The following COL19A1 variants were observed in gnomAD, a reference collection of about 807,000 sequenced individuals.
COL19A1 encodes the protein collagen type XIX alpha 1 chain.
In COL19A1, 159 loss-of-function variants were observed where a neutral mutation model predicts 190.2. The observed-to-expected ratio is 0.84, with a 90% CI of 0.73 to 0.95. The LOEUF (loss-of-function observed/expected upper bound fraction) is 0.95, where lower values mean the gene tolerates loss of function less well. Ranked by LOEUF, COL19A1 falls within the 40% of genes least tolerant of loss-of-function variation. The probability of loss-of-function intolerance (pLI) is 0.00; values close to 1 mark genes in which losing one functional copy is unlikely to be tolerated. For missense variants in COL19A1, 1,418 were observed against 1,431.9 expected (o/e 0.99, Z 0.16); for synonymous variants, 509 against 458.9 (o/e 1.11, Z -1.39).
intron 2 of COL19A1, among the ~76,000 whole-genome samples, chr6:69,894,831 G>A (rs948066496): frequency 3.9e-5 from 6 of 152,160 alleles, no homozygotes; most frequent in African/African-American, 1.4e-4. Context: ...CACAGCCCAA[G>A]ACTAGCCCCA....
At position 69,926,031 on chromosome 6, in the gene COL19A1, A is replaced by G. The variant is rs965208635; in HGVS notation, c.267-1878A>G. Among the ~76,000 whole-genome samples, 11 of 152,290 alleles carry G rather than the reference A, an allele frequency of 7.2e-5. No homozygotes were observed. In the South Asian group the frequency reaches 2.1e-3, roughly 29 times the overall value. On this transcript the variant is annotated intron_variant, in intron 4 of 50. Coordinates refer to ENST00000620364, the MANE Select transcript of COL19A1 (RefSeq NM_001858.6). ...TAAATATACAATCATGTCATCTGCA[A>G]ACAGGGACAATTTGACTTCCTCTTT...
chr6:69,988,026 T>C (rs1437329848), intron 11 of COL19A1, among the ~76,000 whole-genome samples: 1 of 152,228 alleles, frequency 6.6e-6, no homozygotes, highest in Non-Finnish European at 1.5e-5. Flanking sequence ...ATACAGGTTC[T>C]GGAAAAGACT....
intron 1 of COL19A1, among the ~76,000 whole-genome samples, chr6:69,868,066 T>C (rs1472540850): frequency 1.3e-5 from 2 of 151,486 alleles, no homozygotes; most frequent in Non-Finnish European, 2.9e-5. Context: ...CATCTGCCTG[T>C]TAATGGAGGA....
chr6:70,096,926 G>A (rs1783313149), intron 15 of COL19A1, among the ~76,000 whole-genome samples: 1 of 152,068 alleles, frequency 6.6e-6, no homozygotes, highest in Non-Finnish European at 1.5e-5. Context: ...TCAGAAGAGG[G>A]GCTAGCTCTA....
intron 16 of COL19A1, among the ~76,000 whole-genome samples, chr6:70,108,180 ATTAACT>A (rs1384416645): frequency 6.6e-6 from 1 of 152,202 alleles, no homozygotes; most frequent in African/African-American, 2.4e-5. Context: ...TCCATTTGAC[ATTAACT>A]TTACTTCTCA....
At chr6:69,949,878 T>C (rs943511328) in intron 9 of COL19A1, among the ~76,000 whole-genome samples, 11 of 151,878 alleles carry the variant, frequency 7.2e-5, no homozygotes, top group African/African-American at 2.4e-4. Flanking sequence ...ACTGTTTCAC[T>C]TGGAGCAAAA....
intron 35 of COL19A1, 50 bp from the exon 36 acceptor site, chr6:70,163,293 T>C: frequency 6.5e-7 from 1 of 1,548,354 alleles, no homozygotes; most frequent in Non-Finnish European, 8.9e-7. Context: ...CAATACCCTT[T>C]GGCCATTTAA....
chr6:69,991,456 T>C (rs1477335522), intron 11 of COL19A1, among the ~76,000 whole-genome samples: 1 of 152,034 alleles, frequency 6.6e-6, no homozygotes, highest in Non-Finnish European at 1.5e-5. Flanking sequence ...CTCTGAGAAA[T>C]CTCCAAACTG....
At chr6:70,055,948 A>C (rs1030486697) in intron 14 of COL19A1, among the ~76,000 whole-genome samples, 1 of 151,688 alleles carries the variant, frequency 6.6e-6, no homozygotes, top group African/African-American at 2.4e-5. Context: ...ATTGCCTTCC[A>C]TATTTTTCAA....
At chr6:69,968,678 G>T (rs1775255732) in intron 11 of COL19A1, among the ~76,000 whole-genome samples, 1 of 152,092 alleles carries the variant, frequency 6.6e-6, no homozygotes, top group South Asian at 2.1e-4. Flanking sequence ...TTTTACTTTT[G>T]TCAATTTCTC....
intron 49 of COL19A1, 169 bp downstream of exon 49, chr6:70,199,905 T>C (rs2150306779): frequency 1.6e-6 from 1 of 639,688 alleles, no homozygotes. Flanking sequence ...CTTTATAATA[T>C]TTGACATTCT....
chr6:70,127,267 T>A (rs2150218942), intron 17 of COL19A1, among the ~76,000 whole-genome samples: 1 of 152,122 alleles, frequency 6.6e-6, no homozygotes, highest in Admixed American at 6.5e-5. Context: ...CATGCAGAGA[T>A]TTGAAGGTGA....
intron 9 of COL19A1, among the ~76,000 whole-genome samples, chr6:69,952,890 A>G (rs147695069): frequency 2.7e-4 from 41 of 152,160 alleles, no homozygotes; most frequent in African/African-American, 9.1e-4. Context: ...GTTGTGAATT[A>G]TAATGAACTT....
intron 4 of COL19A1, among the ~76,000 whole-genome samples, chr6:69,925,754 T>C (rs566609973): frequency 6.6e-6 from 1 of 152,176 alleles, no homozygotes; most frequent in South Asian, 2.1e-4. Flanking sequence ...TATCCTCTTT[T>C]ATTTCATTGA....
intron 1 of COL19A1, among the ~76,000 whole-genome samples, chr6:69,874,768 A>C (rs1768041487): frequency 6.6e-6 from 1 of 152,118 alleles, no homozygotes; most frequent in South Asian, 2.1e-4. Flanking sequence ...ATAAAAAAAA[A>C]AGAAGTGTGC....
intron 40 of COL19A1, among the ~76,000 whole-genome samples, chr6:70,170,129 A>G (rs1765409557): frequency 6.6e-6 from 1 of 152,174 alleles, no homozygotes; most frequent in Non-Finnish European, 1.5e-5. Flanking sequence ...AGTGAAGCAC[A>G]GAAACAGAAA....
intron 11 of COL19A1, among the ~76,000 whole-genome samples, chr6:70,022,368 G>A (rs1778462624): frequency 6.6e-6 from 1 of 152,004 alleles, no homozygotes; most frequent in Non-Finnish European, 1.5e-5. Flanking sequence ...TTTAAAAACA[G>A]GAGTAAAGTG....
At chr6:70,206,031 C>T (rs978265092) in intron 49 of COL19A1, among the ~76,000 whole-genome samples, 1 of 152,188 alleles carries the variant, frequency 6.6e-6, no homozygotes, top group Non-Finnish European at 1.5e-5. Flanking sequence ...ATCATTTGAA[C>T]ACAGACCTGA....
intron 16 of COL19A1, among the ~76,000 whole-genome samples, chr6:70,118,805 T>A (rs951682105): frequency 1.4e-5 from 2 of 141,706 alleles, no homozygotes; most frequent in Non-Finnish European, 3.0e-5. Flanking sequence ...TTGGCATTGT[T>A]TTTAGTGAGT....
Sources: allele counts gnomAD v4.1 joint callset (sites outside exome capture counted in the v4.1 genomes callset), GRCh38; gene constraint gnomAD v4.1.1; transcripts MANE v1.5; gene names NCBI Gene and HGNC (gene_info 2026-07-23, HGNC 2026-07-21).